PCDHGB1: variants seen among roughly 807,000 people sequenced by gnomAD.
PCDHGB1 encodes the protein protocadherin gamma-B1.
In PCDHGB1, 34 loss-of-function variants were observed where a neutral mutation model predicts 56.6. That is an observed-to-expected ratio of 0.60 (90% confidence interval 0.46 to 0.80). The LOEUF is 0.80. PCDHGB1 is among the 30% of genes least tolerant of loss of function. PCDHGB1 has a pLI of 0.00. For synonymous variants in PCDHGB1, 561 were observed against 505.9 expected (o/e 1.11, Z -1.46); for missense variants, 1,278 against 1,204.6 (o/e 1.06, Z -0.90).
chr5:141,362,499 A>G (rs1307285614), intron 1 of PCDHGB1: 2 of 1,614,042 alleles, frequency 1.2e-6, no homozygotes, highest in East Asian at 2.2e-5. Flanking sequence ...CCTCTTGGGA[A>G]CAAAATACAA....
At chr5:141,376,426 C>T in intron 1 of PCDHGB1, 1 of 1,614,230 alleles carries the variant, frequency 6.2e-7, no homozygotes, top group Non-Finnish European at 8.5e-7. Context: ...CGCTTATCAA[C>T]CAGGAGAGCT....
At chr5:141,460,616 TAGAC>T (rs533223594) in intron 1 of PCDHGB1, among the ~76,000 whole-genome samples, 44 of 152,232 alleles carry the variant, frequency 2.9e-4, no homozygotes, top group Middle Eastern at 3.4e-3. Context: ...GATGGATAGA[TAGAC>T]AGATACAGAT....
intron 1 of PCDHGB1, chr5:141,393,324 CA>C (rs2092729145): frequency 6.2e-7 from 1 of 1,611,096 alleles, no homozygotes; most frequent in African/African-American, 1.4e-5. Context: ...CCAGAGCTAC[CA>C]GCTCAGCCCC....
intron 1 of PCDHGB1, chr5:141,415,531 C>G (rs777787905): frequency 1.2e-6 from 2 of 1,614,030 alleles, no homozygotes; most frequent in Non-Finnish European, 1.7e-6. Context: ...GCTCATCAGC[C>G]AGGAGAGCTG....
At chr5:141,399,816 G>T (rs1399321740) in intron 1 of PCDHGB1, 1 of 1,613,196 alleles carries the variant, frequency 6.2e-7, no homozygotes, top group Non-Finnish European at 8.5e-7. Flanking sequence ...ACCCCGCGCT[G>T]GGTCCCGACG....
At chr5:141,368,053 G>T (rs903322143) in intron 1 of PCDHGB1, among the ~76,000 whole-genome samples, 8 of 152,166 alleles carry the variant, frequency 5.3e-5, no homozygotes, top group Non-Finnish European at 1.2e-4. Flanking sequence ...TGTAATGAAA[G>T]AACTACTATA....
chr5:141,501,237 A>G (rs1327502244), intron 2 of PCDHGB1, among the ~76,000 whole-genome samples: 1 of 150,372 alleles, frequency 6.7e-6, no homozygotes, highest in Non-Finnish European at 1.5e-5. Flanking sequence ...CAGTTTTTTG[A>G]GCATGATGTA....
intron 1 of PCDHGB1, chr5:141,411,430 A>C (rs918915726): frequency 6.6e-6 from 1 of 151,188 alleles, no homozygotes; most frequent in Admixed American, 6.6e-5. Context: ...CAACAAAAAA[A>C]AACATTAGCA....
intron 1 of PCDHGB1, chr5:141,404,337 C>CG (rs1376523964): frequency 1.9e-6 from 3 of 1,613,784 alleles, no homozygotes; most frequent in Non-Finnish European, 2.5e-6. Context: ...GTCTACCTCC[C>CG]GGAAAACAAC....
At position 141,350,164 on chromosome 5, in the gene PCDHGB1, T is replaced by G. The variant is rs1588479597; in HGVS notation, c.-97T>G. The G allele has an allele frequency of 2.1e-5, 24 of 1,151,208 alleles. No individual in the cohort carries two copies. The East Asian group carries it at 6.5e-4, about 31-fold the overall frequency. The allele number at this position is 1,151,208 out of a possible 1,614,324, so 71.3% of individuals were successfully genotyped here. A position where few individuals can be genotyped will look rare whatever the true frequency, so the allele number is the denominator to read the frequency against. On this transcript the variant is annotated 5_prime_UTR_variant, in exon 1 of 4. Coordinates refer to ENST00000523390, the MANE Select transcript of PCDHGB1 (RefSeq NM_018922.3). ...TCCTGTTCACCCTCGAGCGCCTAAC[T>G]AATAAGTCCTAAGCTCAAATCACAG... is the stretch of plus-strand genomic sequence containing the variant.
At position 141,485,331 on chromosome 5, in the gene PCDHGB1, T is replaced by G; in HGVS notation, c.2410-9476T>G. 6.2e-7 allele frequency: 1 copy of G among 1,614,166 alleles called. No individual in the cohort carries two copies. Among genetic ancestry groups the G allele is most frequent in the Admixed American group, 1.7e-5 (1 of 60,022 alleles). Reference sequence around the variant, plus strand: ...GTAGGGAATGTCGCTCAAGATTTCCTGCTGGATACGGACAGTCTGTCAGCT... The same window carrying G: ...GTAGGGAATGTCGCTCAAGATTTCCGGCTGGATACGGACAGTCTGTCAGCT... On this transcript the variant is annotated intron_variant, in intron 1 of 3. Coordinates refer to ENST00000523390, the MANE Select transcript of PCDHGB1 (RefSeq NM_018922.3). The surrounding 1 kb of genome is among the most constrained non-coding windows in gnomAD (Gnocchi z 5.7).
chr5:141,363,284 T>G (rs1762866895), intron 1 of PCDHGB1, among the ~76,000 whole-genome samples: 1 of 152,272 alleles, frequency 6.6e-6, no homozygotes, highest in Non-Finnish European at 1.5e-5. Flanking sequence ...AATTTCCTAA[T>G]TATATAGAAT....
At chr5:141,496,146 G>A (rs749790409) in intron 2 of PCDHGB1, among the ~76,000 whole-genome samples, 1 of 151,170 alleles carries the variant, frequency 6.6e-6, no homozygotes, top group Non-Finnish European at 1.5e-5. Flanking sequence ...GCCTTTGATC[G>A]CAGCTCTCCA....
In PCDHGB1 at chr5:141,350,828, G is replaced by A. The variant is rs766864652; in HGVS notation, c.568G>A (p.Val190Ile). The A allele has an allele frequency of 1.2e-6, 2 of 1,614,010 alleles. No homozygotes were observed. Among genetic ancestry groups the A allele is most frequent in the Admixed American group, 3.3e-5 (2 of 60,024 alleles). ...AAGTCCTGATGGAAGTAAATATCCG[G>A]TATTACTGCTGGAAAAACCTCTAGA... ...KESPDGSKYPVLLLEKPLDRE... is the reference protein window; with the variant it reads ...KESPDGSKYPILLLEKPLDRE... The change falls in exon 1 of 4, where the codon GTA (valine) becomes ATA (isoleucine). Residue 190 changes from valine (V) to isoleucine (I), a missense_variant. By Grantham distance (29) the Val-to-Ile change is conservative (BLOSUM62 3). Coordinates refer to ENST00000523390, the MANE Select transcript of PCDHGB1 (RefSeq NM_018922.3).
chr5:141,366,534 T>C (rs1383417034), intron 1 of PCDHGB1: 2 of 1,614,264 alleles, frequency 1.2e-6, no homozygotes, highest in Non-Finnish European at 1.7e-6. Context: ...TTGGCGGGTG[T>C]GCCCGCCTCG....
At chr5:141,413,722 T>TCC (rs1330658153) in intron 1 of PCDHGB1, 1 of 1,613,450 alleles carries the variant, frequency 6.2e-7, no homozygotes. Context: ...TAAGCACTTC[T>TCC]CCCTAAGAGT....
intron 3 of PCDHGB1, among the ~76,000 whole-genome samples, chr5:141,508,986 G>C (rs1298630784): frequency 2.0e-5 from 3 of 152,148 alleles, no homozygotes; most frequent in Non-Finnish European, 4.4e-5. Context: ...GTGGGGGCCA[G>C]CTGGGGTAGG....
intron 1 of PCDHGB1, among the ~76,000 whole-genome samples, chr5:141,358,054 G>A (rs1760803324): frequency 6.6e-6 from 1 of 152,172 alleles, no homozygotes; most frequent in African/African-American, 2.4e-5. Flanking sequence ...GCTAGGCGTG[G>A]TGGTGTGTGC....
rs141095222 is a variant in PCDHGB1, at chr5:141,496,668, C to T, written c.2468+1803C>T. Reference sequence around the variant, plus strand: ...CCCTTCCTTTGACCCCAGCTGTTGTCCTTCTCCCTGCTGGCCTTGCCAACC... The same window carrying T: ...CCCTTCCTTTGACCCCAGCTGTTGTTCTTCTCCCTGCTGGCCTTGCCAACC... On this transcript the variant is annotated intron_variant, in intron 2 of 3. Coordinates refer to ENST00000523390, the MANE Select transcript of PCDHGB1 (RefSeq NM_018922.3). Among the ~76,000 whole-genome samples the T allele has an allele frequency of 1.3e-3, 204 of 152,328 alleles. 1 individual carries two copies. The highest frequency in any genetic ancestry group is 5.6e-3 in the Admixed American group (85 of 15,298).
Sources: allele counts gnomAD v4.1 joint callset (sites outside exome capture counted in the v4.1 genomes callset), GRCh38; gene constraint gnomAD v4.1.1; non-coding constraint Gnocchi (gnomAD v3.1); transcripts MANE v1.5; gene names NCBI Gene and HGNC (gene_info 2026-07-23, HGNC 2026-07-21).